The following ACVR2A variants were observed in gnomAD, a reference collection of about 807,000 sequenced individuals.
ACVR2A encodes the protein activin A receptor type 2A.
ACVR2A carries 7 observed loss-of-function variants against 61.4 expected under a neutral mutation model. The ratio of observed to expected loss-of-function variants is 0.11; its 90% CI spans 0.06 to 0.21. ACVR2A has a LOEUF of 0.21. Among genes scored for constraint, ACVR2A ranks in the 10% least tolerant of loss-of-function variants. ACVR2A has a pLI of 1.00. For missense variants in ACVR2A, 322 were observed against 621.7 expected (o/e 0.52, Z 5.13); for synonymous variants, 193 against 208.3 (o/e 0.93, Z 0.63).
At chr2:147,896,822 A>T in intron 2 of ACVR2A, 1 of 220,506 alleles carries the variant, frequency 4.5e-6, no homozygotes, top group East Asian at 9.7e-5. Flanking sequence ...GAAAACATTT[A>T]AAAAATTACT....
intron 8 of ACVR2A, 90 bp from the exon 9 acceptor site, chr2:147,922,883 C>T: frequency 7.2e-7 from 1 of 1,383,266 alleles, no homozygotes; most frequent in Non-Finnish European, 1.0e-6. Context: ...TGGTAATAGA[C>T]CACATTTGGT....
chr2:147,881,602 A>AGTGTGTGTGTGTGTGT (rs145075375), intron 1 of ACVR2A, among the ~76,000 whole-genome samples: 7 of 81,444 alleles, frequency 8.6e-5, no homozygotes, highest in African/African-American at 2.6e-4. Flanking sequence ...GAAGCTGCTT[A>AGTGTGTGTGTGTGTGT]GTGTGTGTGT....
intron 1 of ACVR2A, among the ~76,000 whole-genome samples, chr2:147,860,834 G>A (rs1048769616): frequency 6.6e-6 from 1 of 152,176 alleles, no homozygotes; most frequent in Non-Finnish European, 1.5e-5. Flanking sequence ...CTATGTAGTA[G>A]TATCTGAAGA....
chr2:147,927,313 G>A lies in ACVR2A; in HGVS notation c.*39G>A. ...TGTGCACACTAAGAAATGGGACTCT[G>A]AACTGGAGCTGCTAAGCTAAAGAAA... On this transcript the variant is annotated 3_prime_UTR_variant, in exon 11 of 11. Coordinates refer to ENST00000241416, the MANE Select transcript of ACVR2A (RefSeq NM_001616.5). The A allele has an allele frequency of 6.4e-7, 1 of 1,553,162 alleles. No individual in the cohort carries two copies. The highest frequency in any genetic ancestry group is 8.7e-7 in the Non-Finnish European group (1 of 1,147,504).
chr2:147,863,079 T>C (rs149305844), intron 1 of ACVR2A, among the ~76,000 whole-genome samples: 6,055 of 152,294 alleles, frequency 0.04, 150 homozygotes, highest in Middle Eastern at 0.086. Flanking sequence ...GGCTATGTAA[T>C]TAAGTAAGTA....
intron 4 of ACVR2A, among the ~76,000 whole-genome samples, chr2:147,906,818 ATTTTTTTT>A (rs369876665): frequency 1.6e-5 from 2 of 123,408 alleles, no homozygotes; most frequent in East Asian, 2.4e-4. Context: ...TATCAAGTCC[ATTTTTTTT>A]TTTTTTTTTT....
intron 1 of ACVR2A, among the ~76,000 whole-genome samples, chr2:147,856,575 T>TAAATTATATAGTCTTAGGTA (rs1685578477): frequency 6.6e-6 from 1 of 152,180 alleles, no homozygotes; most frequent in Non-Finnish European, 1.5e-5. Flanking sequence ...GTTTGCTAAT[T>TAAATTATATAGTCTTAGGTA]AATTTTATAT....
chr2:147,896,654 G>A, intron 2 of ACVR2A, 146 bp downstream of exon 2: 1 of 678,164 alleles, frequency 1.5e-6, no homozygotes, highest in South Asian at 1.9e-5. Flanking sequence ...ATTATAACAT[G>A]CTGTAATGAC....
At chr2:147,925,468 G>C (rs925808966) in intron 9 of ACVR2A, among the ~76,000 whole-genome samples, 1 of 151,942 alleles carries the variant, frequency 6.6e-6, no homozygotes, top group Non-Finnish European at 1.5e-5. Flanking sequence ...CCTAGTTGGA[G>C]AGCCTGTTTG....
At chr2:147,848,554 C>T (rs1330588780) in intron 1 of ACVR2A, among the ~76,000 whole-genome samples, 1 of 151,922 alleles carries the variant, frequency 6.6e-6, no homozygotes, top group Non-Finnish European at 1.5e-5. Context: ...GTCAAAAAAC[C>T]CTGTTCTAAG....
At chr2:147,923,552 ACTTGTT>A (rs918259447) in intron 9 of ACVR2A, among the ~76,000 whole-genome samples, 9 of 151,952 alleles carry the variant, frequency 5.9e-5, no homozygotes, top group Admixed American at 1.3e-4. Context: ...GGTTTCTATT[ACTTGTT>A]CTTGTTATTG....
At chr2:147,862,455 T>C (rs1374420681) in intron 1 of ACVR2A, among the ~76,000 whole-genome samples, 1 of 152,106 alleles carries the variant, frequency 6.6e-6, no homozygotes. Context: ...TAAAATTGTT[T>C]TCCTGGGCAG....
At chr2:147,861,266 A>G (rs1466004109) in intron 1 of ACVR2A, among the ~76,000 whole-genome samples, 1 of 152,216 alleles carries the variant, frequency 6.6e-6, no homozygotes, top group African/African-American at 2.4e-5. Context: ...CAGTATATTT[A>G]TTGAGAAACT....
chr2:147,886,476 C>T (rs570341658), intron 1 of ACVR2A, among the ~76,000 whole-genome samples: 1 of 152,180 alleles, frequency 6.6e-6, no homozygotes, highest in Admixed American at 6.5e-5. Flanking sequence ...TTTGTAAGTT[C>T]CCGAAACAGT....
chr2:147,890,341 A>AGTGTGTGTGTGTGT lies in ACVR2A; in HGVS notation c.56-5945_56-5932dup, dbSNP rs60514095. 3.7e-3 allele frequency among the ~76,000 whole-genome samples: 548 copies of AGTGTGTGTGTGTGT among 148,942 alleles called. 2 individuals carry two copies. The highest frequency in any genetic ancestry group is 1.0e-2 in the African/African-American group (404 of 40,416). On this transcript the variant is annotated intron_variant, in intron 1 of 10. Transcript: ENST00000241416. ...AGGAAGTCCATGGCACCATTAGTATAGTGTGTGTGTGTGTGTGTGTGTGTG... is the reference window on the plus strand; with the variant it reads ...AGGAAGTCCATGGCACCATTAGTATAGTGTGTGTGTGTGTGTGTGTGTGTGTGTGTGTGTGTGTG...
intron 1 of ACVR2A, among the ~76,000 whole-genome samples, chr2:147,870,944 T>G (rs1558964992): frequency 1.3e-5 from 2 of 152,090 alleles, no homozygotes; most frequent in South Asian, 4.1e-4. Flanking sequence ...TTTATTCACA[T>G]TCCTCATGTA....
intron 1 of ACVR2A, among the ~76,000 whole-genome samples, chr2:147,848,847 C>CTT (rs1482534116): frequency 6.6e-6 from 1 of 152,018 alleles, no homozygotes; most frequent in Non-Finnish European, 1.5e-5. Context: ...GTTCTAAACT[C>CTT]TTAAATTTTA....
At position 147,866,185 on chromosome 2, in the gene ACVR2A, T is replaced by TACTC. The variant is rs1685850045; in HGVS notation, c.55+20980_55+20983dup. Among the ~76,000 whole-genome samples, 7 of 152,298 alleles carry TACTC rather than the reference T, an allele frequency of 4.6e-5. No homozygotes were observed. The South Asian group carries it at 1.5e-3, about 32-fold the overall frequency. ...GTTAATAACAAACGAAATACATGAC[T>TACTC]ACTCATTCAAAGCAGTGTATGTAAG... On this transcript the variant is annotated intron_variant, in intron 1 of 10. Transcript: ENST00000241416.
intron 1 of ACVR2A, among the ~76,000 whole-genome samples, chr2:147,845,652 C>G (rs533637848): frequency 1.1e-4 from 17 of 152,304 alleles, no homozygotes; most frequent in Non-Finnish European, 2.1e-4. Flanking sequence ...AATATCACGA[C>G]ATAGATCAAG....
Sources: gnomAD v4.1 joint callset for allele counts (sites outside exome capture counted in the v4.1 genomes callset) on GRCh38, gnomAD v4.1.1 for gene constraint, MANE v1.5 for transcripts, NCBI Gene and HGNC (gene_info 2026-07-23, HGNC 2026-07-21) for gene names.